LRPPRC: variants seen among roughly 807,000 people sequenced by gnomAD.
LRPPRC encodes leucine rich pentatricopeptide repeat containing.
In LRPPRC, 120 loss-of-function variants were observed where a neutral mutation model predicts 180.3. The observed-to-expected ratio is 0.67, with a 90% confidence interval of 0.57 to 0.77. LRPPRC has a LOEUF of 0.77. LRPPRC is among the 30% of genes least tolerant of loss of function. LRPPRC has a pLI of 0.00. For synonymous variants in LRPPRC, 723 were observed against 600.0 expected, an observed-to-expected ratio of 1.21 and a Z score of -3.00; for missense variants, 2,012 against 1,657.2, an observed-to-expected ratio of 1.21 and a Z score of -3.72.
intron 3 of LRPPRC, 42 bp downstream of exon 3, chr2:43,979,784 A>G (rs1674221115): frequency 6.3e-7 from 1 of 1,597,518 alleles, no homozygotes; most frequent in Non-Finnish European, 8.6e-7. Context: ...AAGAAAAAAC[A>G]TCTACACCTT....
chr2:43,953,495 C>T (rs1672985622), intron 14 of LRPPRC, among the ~76,000 whole-genome samples: 1 of 152,110 alleles, frequency 6.6e-6, no homozygotes, highest in African/African-American at 2.4e-5. Flanking sequence ...TGGGTAGTGT[C>T]CCCTTTGTTA....
At chr2:43,910,310 C>T (rs938376877) in intron 30 of LRPPRC, among the ~76,000 whole-genome samples, 1 of 151,824 alleles carries the variant, frequency 6.6e-6, no homozygotes, top group Non-Finnish European at 1.5e-5. Flanking sequence ...CTTGGGCTCA[C>T]TGCAACCTCT....
At chr2:43,944,032 T>C in intron 22 of LRPPRC, 138 bp from the exon 23 acceptor site, 1 of 683,610 alleles carries the variant, frequency 1.5e-6, no homozygotes. Flanking sequence ...ACTACTTGCA[T>C]TTCTAAACGA....
intron 23 of LRPPRC, among the ~76,000 whole-genome samples, chr2:43,937,246 T>C (rs1463649489): frequency 2.0e-5 from 3 of 152,196 alleles, no homozygotes; most frequent in Non-Finnish European, 4.4e-5. Flanking sequence ...ATAATTCATA[T>C]ATTTGTCAGT....
At chr2:43,959,333 ACT>A (rs1330074253) in intron 13 of LRPPRC, 1 of 634,734 alleles carries the variant, frequency 1.6e-6, no homozygotes, top group Non-Finnish European at 2.9e-6. Context: ...CATACTGGAC[ACT>A]TTGCCTTTCC....
intron 27 of LRPPRC, among the ~76,000 whole-genome samples, chr2:43,919,293 T>G (rs1173215076): frequency 6.6e-6 from 1 of 152,174 alleles, no homozygotes; most frequent in Non-Finnish European, 1.5e-5. Flanking sequence ...ATGAAACCAG[T>G]CCCTGGTACC....
chr2:43,915,887 T>G (rs1193960300), intron 29 of LRPPRC, among the ~76,000 whole-genome samples: 1 of 152,118 alleles, frequency 6.6e-6, no homozygotes, highest in African/African-American at 2.4e-5. Flanking sequence ...CACCTCAACC[T>G]CCTGAGTAGC....
intron 31 of LRPPRC, chr2:43,902,961 T>TA (rs1467529896): frequency 4.6e-5 from 7 of 152,074 alleles, no homozygotes; most frequent in Non-Finnish European, 1.0e-4. Flanking sequence ...CCGAGACAAG[T>TA]ACCAATTTTA....
intron 11 of LRPPRC, among the ~76,000 whole-genome samples, chr2:43,967,373 A>G (rs1344903566): frequency 6.9e-6 from 1 of 144,000 alleles, no homozygotes; most frequent in Admixed American, 7.0e-5. Context: ...CATGTTGTTT[A>G]TCATATAGAT....
At chr2:43,915,230 TCTCACACACACACACACACACACA>T (rs1336646037) in intron 29 of LRPPRC, among the ~76,000 whole-genome samples, 26 of 47,440 alleles carry the variant, frequency 5.5e-4, no homozygotes, top group African/African-American at 3.4e-3. Flanking sequence ...TCTCTCTCTC[TCTCACACACACACACACACACACA>T]CACACACACA....
intron 25 of LRPPRC, among the ~76,000 whole-genome samples, chr2:43,930,456 TC>T (rs1467160101): frequency 2.6e-5 from 4 of 152,182 alleles, no homozygotes; most frequent in Admixed American, 6.5e-5. Context: ...TTCAGATTTT[TC>T]TGACTTTTGG....
intron 35 of LRPPRC, chr2:43,896,412 T>C (rs1433551770): frequency 4.4e-6 from 2 of 452,834 alleles, no homozygotes; most frequent in Non-Finnish European, 8.2e-6. Context: ...GGGCTCTCAA[T>C]GCATACCTGT....
At chr2:43,909,788 T>C (rs1022676193) in intron 30 of LRPPRC, among the ~76,000 whole-genome samples, 5 of 152,102 alleles carry the variant, frequency 3.3e-5, no homozygotes, top group African/African-American at 1.2e-4. Flanking sequence ...ATGTCAATTT[T>C]ATCTCAGGAA....
intron 31 of LRPPRC, among the ~76,000 whole-genome samples, chr2:43,905,077 C>G (rs1292231803): frequency 1.3e-5 from 2 of 152,202 alleles, no homozygotes; most frequent in Non-Finnish European, 2.9e-5. Flanking sequence ...AAGTCATGTC[C>G]ACATCTTTCA....
chr2:43,916,208 C>G (rs1468698627), intron 29 of LRPPRC, among the ~76,000 whole-genome samples: 1 of 152,156 alleles, frequency 6.6e-6, no homozygotes, highest in Non-Finnish European at 1.5e-5. Flanking sequence ...CATGAACCAT[C>G]CTTGAAATCC....
chr2:43,979,991 A>G, intron 2 of LRPPRC, 43 bp from the exon 3 acceptor site: 5 of 1,589,236 alleles, frequency 3.1e-6, no homozygotes, highest in Non-Finnish European at 1.7e-6. Context: ...CATAGCAGCA[A>G]TATCACATAG....
intron 23 of LRPPRC, among the ~76,000 whole-genome samples, chr2:43,935,554 A>G (rs1672245861): frequency 6.6e-6 from 1 of 152,216 alleles, no homozygotes; most frequent in Admixed American, 6.5e-5. Flanking sequence ...TCCAATTACA[A>G]AGTCAAGCCT....
At chr2:43,954,962 T>C (rs1673047358) in intron 14 of LRPPRC, among the ~76,000 whole-genome samples, 1 of 152,130 alleles carries the variant, frequency 6.6e-6, no homozygotes, top group African/African-American at 2.4e-5. Flanking sequence ...TTCAAACACC[T>C]CTTACAGGTC....
intron 29 of LRPPRC, among the ~76,000 whole-genome samples, chr2:43,914,370 C>T (rs1671366076): frequency 6.6e-6 from 1 of 152,006 alleles, no homozygotes; most frequent in Non-Finnish European, 1.5e-5. Context: ...ATTCAATTTT[C>T]AAAGCATTCA....
Sources: gnomAD v4.1 joint callset for allele counts (sites outside exome capture counted in the v4.1 genomes callset) on GRCh38, gnomAD v4.1.1 for gene constraint, MANE v1.5 for transcripts, NCBI Gene and HGNC (gene_info 2026-07-23, HGNC 2026-07-21) for gene names.